KRT28: variants seen among roughly 807,000 people sequenced by gnomAD.
KRT28 encodes keratin 28, also known as keratin, type I cytoskeletal 28.
Under a neutral mutation model 48.1 loss-of-function variants are expected in KRT28, and 45 were observed. That is an observed-to-expected ratio of 0.94 (90% CI 0.74 to 1.20). The LOEUF (loss-of-function observed/expected upper bound fraction) is 1.20. Ranked by LOEUF, KRT28 falls within the 50% of genes most tolerant of loss-of-function variation. The probability of loss-of-function intolerance (pLI) is 0.00; values close to 1 mark genes in which losing one functional copy is unlikely to be tolerated. For synonymous variants in KRT28, 228 were observed against 227.4 expected (o/e 1.00, Z -0.03); for missense variants, 571 against 574.1 (o/e 0.99, Z 0.06).
chr17:40,799,739 C>A lies in KRT28; in HGVS notation c.155G>T (p.Gly52Val), dbSNP rs7209228. ...GCTCCCACCAGGAACACTGCCCAAGCCCCCTCCCAAGGCACAGGAAAATTC... is the reference window on the plus strand; with the variant it reads ...GCTCCCACCAGGAACACTGCCCAAGACCCCTCCCAAGGCACAGGAAAATTC... ...GSEFSCALGG[G>V]LGSVPGGSHA... The change falls in exon 1 of 8, where the codon GGC becomes GTC. Residue 52 changes from glycine (G) to valine (V), a missense_variant. By Grantham distance (109) the Gly-to-Val change is moderately radical. Transcript: ENST00000306658. 2.5e-6 allele frequency: 4 copies of A among 1,613,882 alleles called. No individual in the cohort carries two copies. The South Asian group carries it at 4.4e-5, about 18-fold the overall frequency.
chr17:40,792,300 G>A lies in KRT28; in HGVS notation c.*127C>T, dbSNP rs1904510563. ...AACACTCAATATCCTGTAAAACTAA[G>A]AAAACAGGTATTTTTGCTAAGTAAT... On this transcript the variant is annotated 3_prime_UTR_variant, in exon 8 of 8. Transcript: ENST00000306658. 2.9e-6 allele frequency: 2 copies of A among 699,322 alleles called. No individual in the cohort carries two copies. The highest frequency in any genetic ancestry group is 3.7e-5 in the African/African-American group (2 of 54,520). 43.3% of individuals were successfully genotyped at this position (699,322 alleles called of 1,614,324 possible).
chr17:40,795,768 C>T (rs949889643), intron 5 of KRT28, among the ~76,000 whole-genome samples: 2 of 152,140 alleles, frequency 1.3e-5, no homozygotes, highest in African/African-American at 2.4e-5. Context: ...GGTCTGGGGA[C>T]TCGAAAATGT....
In KRT28 at chr17:40,793,975, A is replaced by G. The variant is rs1213838179; in HGVS notation, c.1050T>C (p.Ala350=). ...NYCTQLAQIQ[A]QIGALEEQLH... ...GCTGCTCCTCCAGGGCCCCGATCTG[A>G]GCCTGGATCTGCGCCAGCTGCGTAC... The change falls in exon 6 of 8, where the codon GCT becomes GCC. Residue 350 remains alanine, a synonymous_variant. Coordinates refer to ENST00000306658, the MANE Select transcript of KRT28 (RefSeq NM_181535.3). The G allele has an allele frequency of 2.5e-6, 4 of 1,613,878 alleles. No individual in the cohort carries two copies. Among genetic ancestry groups the G allele is most frequent in the Non-Finnish European group, 3.4e-6 (4 of 1,179,850 alleles).
chr17:40,798,318 G>T lies in KRT28; in HGVS notation c.607C>A (p.Leu203Met). 1 of 1,613,570 alleles carries T rather than the reference G, an allele frequency of 6.2e-7. No homozygotes were observed. Among genetic ancestry groups the T allele is most frequent in the Non-Finnish European group, 8.5e-7 (1 of 1,179,702 alleles). Residue 203 changes from leucine (L) to methionine (M), a missense_variant, in exon 3 of 8, where the codon CTG (leucine) becomes ATG (methionine). By Grantham distance (15) the Leu-to-Met change is conservative (BLOSUM62 2). Coordinates refer to ENST00000306658, the MANE Select transcript of KRT28 (RefSeq NM_181535.3). ...TCCTGGTCGGTCCTGCAGAGCGTCAGCTCGTCCAGGACTCGCCGTAATCCG... is the reference window on the plus strand; with the variant it reads ...TCCTGGTCGGTCCTGCAGAGCGTCATCTCGTCCAGGACTCGCCGTAATCCG... The part of the protein sequence containing the change: ...INGLRRVLDE[L>M]TLCRTDQELQ...
rs1448800393 is a variant in KRT28 at position 40,796,903 on chromosome 17, C to T, written c.978+13G>A. Reference sequence around the variant, plus strand: ...GAATCACAGGATCCAGGCTGACCTTCGCTGTCACCTACCGTGGCCATCAGG... The same window carrying T: ...GAATCACAGGATCCAGGCTGACCTTTGCTGTCACCTACCGTGGCCATCAGG... On this transcript the variant is annotated intron_variant, in intron 5 of 7. Transcript: ENST00000306658. 1.9e-6 allele frequency: 3 copies of T among 1,576,254 alleles called. No individual in the cohort carries two copies. The East Asian group carries it at 6.7e-5, about 35-fold the overall frequency.
In KRT28 at chr17:40,797,289, G is replaced by A. The variant is rs1041263918; in HGVS notation, c.691-8C>T. 1.2e-6 allele frequency: 2 copies of A among 1,610,548 alleles called. No individual in the cohort carries two copies. Among genetic ancestry groups the A allele is most frequent in the African/African-American group, 1.3e-5 (1 of 74,838 alleles). On this transcript the variant is annotated splice_region_variant and splice_polypyrimidine_tract_variant and intron_variant, in intron 3 of 7. Transcript: ENST00000306658. ...CTGCAGAGCCTTCATCTCCTGGAGA[G>A]AAGCAAGAGTGTGGCTTTAGGGGCA... is the stretch of plus-strand genomic sequence containing the variant.
Position 40,792,344 on chromosome 17 carries a change from A to C in KRT28, c.*83T>G. On this transcript the variant is annotated 3_prime_UTR_variant, in exon 8 of 8. Coordinates refer to ENST00000306658, the MANE Select transcript of KRT28 (RefSeq NM_181535.3). ...AAGTAATGTATCTTTAAAAGTAAAA[A>C]GTGTGTATATTCTCTCTGATATTTA... The C allele has an allele frequency of 1.8e-6, 2 of 1,114,430 alleles. No individual in the cohort carries two copies. The highest frequency in any genetic ancestry group is 4.2e-5 in the South Asian group (2 of 47,524). The allele number at this position is 1,114,430 out of a possible 1,614,324, so 69.0% of individuals were successfully genotyped here. A position where few individuals can be genotyped will look rare whatever the true frequency, so the allele number is the denominator to read the frequency against.
At position 40,797,207 on chromosome 17, in the gene KRT28, G is replaced by A. The variant is rs920919342; in HGVS notation, c.765C>T (p.Leu255=). ...CTCGCATGTTGTTCAACAAAACCGC[G>A]AGGTCTACCCCCGGGGCCGCGTTCA... ...VEMNAAPGVD[L]AVLLNNMRAE... Residue 255 remains leucine, a synonymous_variant, in exon 4 of 8, where the codon CTC becomes CTT. Coordinates refer to ENST00000306658, the MANE Select transcript of KRT28 (RefSeq NM_181535.3). 10 of 1,614,018 alleles carry A rather than the reference G, an allele frequency of 6.2e-6. No individual in the cohort carries two copies. The highest frequency in any genetic ancestry group is 1.7e-5 in the Admixed American group (1 of 60,002).
At chr17:40,792,625 C>T in intron 7 of KRT28, 56 bp from the exon 8 acceptor site, 1 of 1,269,190 alleles carries the variant, frequency 7.9e-7, no homozygotes. Flanking sequence ...CATGACAATT[C>T]CACTGCTAGT....
chr17:40,793,037 T>C (rs1597806893), intron 7 of KRT28, 118 bp downstream of exon 7: 4 of 602,652 alleles, frequency 6.6e-6, no homozygotes, highest in Non-Finnish European at 8.5e-6. Context: ...GAGGTGGAGG[T>C]TGCAGTGAGC....
intron 3 of KRT28, 27 bp downstream of exon 3, chr17:40,798,208 T>C (rs778568447): frequency 6.9e-6 from 11 of 1,583,408 alleles, no homozygotes; most frequent in East Asian, 6.8e-5. Context: ...AGAGTTGTGA[T>C]TGGACTACAG....
At position 40,797,261 on chromosome 17, in the gene KRT28, G is replaced by A. The variant is rs144466094; in HGVS notation, c.711C>T (p.Cys237=). 5.4e-4 allele frequency: 868 copies of A among 1,613,624 alleles called. No homozygotes were observed. The highest frequency in any genetic ancestry group is 7.2e-4 in the Non-Finnish European group (846 of 1,179,780). The part of the protein sequence containing the change: ...NHEEEMKALQ[C]AAGGNVNVEM... ...CCACGTTCACGTTGCCCCCAGCCGCGCACTGCAGAGCCTTCATCTCCTGGA... is the reference window on the plus strand; with the variant it reads ...CCACGTTCACGTTGCCCCCAGCCGCACACTGCAGAGCCTTCATCTCCTGGA... The change falls in exon 4 of 8, where the codon TGC becomes TGT. Residue 237 remains cysteine (C), a synonymous_variant. Coordinates refer to ENST00000306658, the MANE Select transcript of KRT28 (RefSeq NM_181535.3).
In KRT28 at chr17:40,796,812, G is replaced by C. The variant is rs958798594; in HGVS notation, c.978+104C>G. The C allele has an allele frequency of 2.8e-6, 4 of 1,415,442 alleles. No individual in the cohort carries two copies. The African/African-American group carries it at 5.7e-5, about 20-fold the overall frequency. 87.7% of individuals were successfully genotyped at this position (1,415,442 alleles called of 1,614,324 possible). ...CCTCCACTCTCTCTGCTAAGTATTT[G>C]CAGGCAAAGGTATAATAGGAAAAAA... On this transcript the variant is annotated intron_variant, in intron 5 of 7. Transcript: ENST00000306658.
Position 40,796,899 on chromosome 17 carries a change from C to G in KRT28, c.978+17G>C. ...TCTAGAATCACAGGATCCAGGCTGA[C>G]CTTCGCTGTCACCTACCGTGGCCAT... On this transcript the variant is annotated intron_variant, in intron 5 of 7. Transcript: ENST00000306658. The G allele has an allele frequency of 6.4e-7, 1 of 1,572,882 alleles. No homozygotes were observed. Among genetic ancestry groups the G allele is most frequent in the Non-Finnish European group, 8.6e-7 (1 of 1,162,634 alleles).
At chr17:40,792,661 T>G in intron 7 of KRT28, 92 bp from the exon 8 acceptor site, 1 of 907,752 alleles carries the variant, frequency 1.1e-6, no homozygotes, top group Non-Finnish European at 1.6e-6. Flanking sequence ...ATGCATATTT[T>G]TGATTGAGGG....
At chr17:40,798,020 G>A (rs562711026) in intron 3 of KRT28, among the ~76,000 whole-genome samples, 5 of 152,214 alleles carry the variant, frequency 3.3e-5, no homozygotes, top group African/African-American at 9.6e-5. Flanking sequence ...ATTATTATAG[G>A]CCAGGCACTG....
rs779150236 is a variant in KRT28 at position 40,796,973 on chromosome 17, G to T, written c.921C>A (p.Thr307=). ...GAATFARSQL[T]EMRRTLQTLE... ...GGGTCTGCAGGGTGCGCCTCATCTC[G>T]GTGAGCTGGCTCCGGGCGAAAGTGG... is the stretch of plus-strand genomic sequence containing the variant. Residue 307 remains threonine, a synonymous_variant, in exon 5 of 8, where the codon ACC becomes ACA. Coordinates refer to ENST00000306658, the MANE Select transcript of KRT28 (RefSeq NM_181535.3). 1.2e-6 allele frequency: 2 copies of T among 1,612,874 alleles called. No homozygotes were observed. Among genetic ancestry groups the T allele is most frequent in the East Asian group, 4.5e-5 (2 of 44,870 alleles).
At chr17:40,795,636 T>C (rs1027137908) in intron 5 of KRT28, among the ~76,000 whole-genome samples, 1 of 152,244 alleles carries the variant, frequency 6.6e-6, no homozygotes, top group African/African-American at 2.4e-5. Context: ...AGTTATGTCC[T>C]GTGTTAAGTG....
chr17:40,799,045 A>T, intron 1 of KRT28, 46 bp from the exon 2 acceptor site: 1 of 1,126,954 alleles, frequency 8.9e-7, no homozygotes, highest in Non-Finnish European at 1.3e-6. Flanking sequence ...GTATGCTTTT[A>T]TGTGATTCAT....
Sources: gnomAD v4.1 joint callset for allele counts (sites outside exome capture counted in the v4.1 genomes callset) on GRCh38, gnomAD v4.1.1 for gene constraint, MANE v1.5 for transcripts, NCBI Gene and HGNC (gene_info 2026-07-23, HGNC 2026-07-21) for gene names.